Variants in VPS8 observed in about 807,000 individuals in gnomAD.
VPS8 encodes the protein VPS8 subunit of CORVET complex, also known as vacuolar protein sorting-associated protein 8 homolog.
Under a neutral mutation model 216.4 loss-of-function variants are expected in VPS8, and 129 were observed. The observed-to-expected ratio is 0.60, with a 90% CI of 0.52 to 0.69. VPS8 has a LOEUF of 0.69. Ranked by LOEUF, VPS8 falls within the 30% of genes least tolerant of loss-of-function variation. VPS8 has a pLI of 0.00. For missense variants in VPS8, 1,531 were observed against 1,683.5 expected (o/e 0.91, Z 1.59); for synonymous variants, 571 against 565.4 (o/e 1.01, Z -0.14).
intron 40 of VPS8, among the ~76,000 whole-genome samples, chr3:184,979,986 T>C (rs1749928524): frequency 6.6e-6 from 1 of 152,212 alleles, no homozygotes; most frequent in Non-Finnish European, 1.5e-5. Context: ...AAGACATGTC[T>C]GGTGGTAACG....
At chr3:184,886,585 C>CT (rs554512208) in intron 22 of VPS8, among the ~76,000 whole-genome samples, 84 of 145,404 alleles carry the variant, frequency 5.8e-4, no homozygotes, top group Middle Eastern at 7.2e-3. Context: ...GGTATATATA[C>CT]TTTTTTTTTT....
intron 23 of VPS8, among the ~76,000 whole-genome samples, chr3:184,897,385 A>G (rs1217845414): frequency 6.6e-6 from 1 of 152,192 alleles, no homozygotes. Context: ...GGTTTGAGAA[A>G]CAGGGTGAAT....
At chr3:184,915,179 C>A in intron 27 of VPS8, 126 bp downstream of exon 27, 2 of 1,331,122 alleles carry the variant, frequency 1.5e-6, no homozygotes, top group East Asian at 2.4e-5. Flanking sequence ...AGAGCTTACA[C>A]ACTATTACTA....
At chr3:184,894,018 A>G (rs1006661370) in intron 22 of VPS8, among the ~76,000 whole-genome samples, 7 of 152,226 alleles carry the variant, frequency 4.6e-5, no homozygotes, top group African/African-American at 1.7e-4. Context: ...ATATGAAATA[A>G]ACATTGTCGA....
intron 1 of VPS8, among the ~76,000 whole-genome samples, chr3:184,818,543 C>T (rs34532668): frequency 0.11 from 16,769 of 148,632 alleles, 1,382 homozygotes; most frequent in Non-Finnish European, 0.15. Flanking sequence ...AAAAAAAGTC[C>T]ATTTGCCAGA....
intron 21 of VPS8, among the ~76,000 whole-genome samples, chr3:184,884,627 T>A (rs1353060293): frequency 6.6e-6 from 1 of 152,176 alleles, no homozygotes; most frequent in African/African-American, 2.4e-5. Flanking sequence ...GGCAGATTTT[T>A]TTTTTCTAAT....
At chr3:184,821,549 T>C (rs1717597939) in intron 1 of VPS8, among the ~76,000 whole-genome samples, 1 of 151,974 alleles carries the variant, frequency 6.6e-6, no homozygotes. Flanking sequence ...GGTTTCACCG[T>C]GTTGCTGCCC....
intron 27 of VPS8, 45 bp downstream of exon 27, chr3:184,915,098 T>C (rs1737295063): frequency 6.3e-7 from 1 of 1,596,916 alleles, no homozygotes; most frequent in Admixed American, 1.7e-5. Flanking sequence ...CCGTCTCTGG[T>C]TAAGACGCAC....
At chr3:185,017,171 G>A (rs1755923327) in intron 45 of VPS8, among the ~76,000 whole-genome samples, 1 of 152,012 alleles carries the variant, frequency 6.6e-6, no homozygotes, top group Admixed American at 6.6e-5. Flanking sequence ...GAATAGTCCA[G>A]GTTGTCCATC....
rs770600495 is a variant in VPS8 at position 184,849,091 on chromosome 3, CTCTG to C, written c.567_570del (p.Cys189TrpfsTer45). On this transcript the variant is annotated frameshift_variant, in exon 9 of 48. Coordinates refer to ENST00000625842, the MANE Select transcript of VPS8 (RefSeq NM_001009921.3). LOFTEE classifies it high-confidence loss of function. ...TTTAGATCAGAATCAAGCTTTGCGA[CTCTG>C]TCTGGGTAGCACTAGTGTTGGAGGT... The C allele has an allele frequency of 1.2e-6, 2 of 1,613,374 alleles. No homozygotes were observed. The highest frequency in any genetic ancestry group is 1.1e-5 in the South Asian group (1 of 91,084).
At chr3:184,977,238 T>C (rs1453608213) in intron 40 of VPS8, among the ~76,000 whole-genome samples, 2 of 152,252 alleles carry the variant, frequency 1.3e-5, no homozygotes, top group African/African-American at 4.8e-5. Context: ...CATATGTTTA[T>C]TGGCCACTTG....
intron 14 of VPS8, 115 bp from the exon 15 acceptor site, chr3:184,859,870 C>T: frequency 1.5e-6 from 1 of 658,590 alleles, no homozygotes; most frequent in South Asian, 2.4e-5. Flanking sequence ...TTTGGCTTAT[C>T]TACAGGGAAT....
chr3:185,024,238 T>G, intron 45 of VPS8, 98 bp from the exon 46 acceptor site: 1 of 1,100,520 alleles, frequency 9.1e-7, no homozygotes. Context: ...CTGTTTTATC[T>G]TAGTTATACC....
chr3:184,855,892 G>T, intron 14 of VPS8, 74 bp downstream of exon 14: 1 of 1,199,330 alleles, frequency 8.3e-7, no homozygotes, highest in Non-Finnish European at 1.2e-6. Flanking sequence ...ATGTGTCAGA[G>T]AAATTTGTGT....
At chr3:184,928,903 C>T (rs1183734447) in intron 32 of VPS8, among the ~76,000 whole-genome samples, 1 of 151,950 alleles carries the variant, frequency 6.6e-6, no homozygotes, top group African/African-American at 2.4e-5. Context: ...ATGATATGAT[C>T]ACATTGCTAC....
intron 36 of VPS8, among the ~76,000 whole-genome samples, chr3:184,942,171 G>A (rs1742826565): frequency 6.6e-6 from 1 of 151,992 alleles, no homozygotes; most frequent in Non-Finnish European, 1.5e-5. Flanking sequence ...AAAAAAAAAG[G>A]CATATCACAA....
chr3:184,925,048 ACT>A (rs1739331096), intron 30 of VPS8, 67 bp downstream of exon 30: 3 of 1,530,500 alleles, frequency 2.0e-6, no homozygotes, highest in African/African-American at 1.4e-5. Context: ...CCTGGATTAC[ACT>A]GTTTCCTGAT....
At chr3:184,931,823 C>T (rs775475092) in intron 34 of VPS8, among the ~76,000 whole-genome samples, 1 of 152,064 alleles carries the variant, frequency 6.6e-6, no homozygotes, top group Admixed American at 6.6e-5. Flanking sequence ...TCATCCTCCT[C>T]TTTAAGTCTC....
Position 184,947,200 on chromosome 3 carries a change from TCAGG to T in VPS8, c.3035+6961_3035+6964del, listed in dbSNP as rs200972893. Among the ~76,000 whole-genome samples the T allele has an allele frequency of 3.1e-4, 47 of 152,320 alleles. 1 individual carries two copies. The East Asian group carries it at 6.4e-3, about 21-fold the overall frequency. ...CAGTAAAGAATGTTATGTCCTGCCA[TCAGG>T]CAGATAGAGGCGGGAGCAGAGAGTT... On this transcript the variant is annotated intron_variant, in intron 36 of 47. Transcript: ENST00000625842.
Sources: gnomAD v4.1 joint callset for allele counts (sites outside exome capture counted in the v4.1 genomes callset) on GRCh38, gnomAD v4.1.1 for gene constraint, MANE v1.5 for transcripts, NCBI Gene and HGNC (gene_info 2026-07-23, HGNC 2026-07-21) for gene names.